The following ITPR2 variants were observed in gnomAD, a reference collection of about 807,000 sequenced individuals.
ITPR2 encodes the protein inositol 1,4,5-trisphosphate-gated calcium channel ITPR2.
In ITPR2, 207 loss-of-function variants were observed where a neutral mutation model predicts 317.1. The observed-to-expected ratio is 0.65, with a 90% CI of 0.58 to 0.73. ITPR2 has a LOEUF of 0.73. Ranked by LOEUF, ITPR2 falls within the 30% of genes least tolerant of loss-of-function variation. The pLI is 0.00. For missense variants in ITPR2, 2,613 were observed against 3,284.0 expected, an observed-to-expected ratio of 0.80 and a Z score of 4.99; for synonymous variants, 1,156 against 1,149.1, an observed-to-expected ratio of 1.01 and a Z score of -0.12.
At position 26,417,413 on chromosome 12, in the gene ITPR2, G is replaced by A. The variant is rs534836304; in HGVS notation, c.7110+1636C>T. Among the ~76,000 whole-genome samples the A allele has an allele frequency of 5.9e-5, 9 of 152,156 alleles. No homozygotes were observed. In the East Asian group the frequency reaches 1.4e-3, roughly 23 times the overall value. Reference sequence around the variant, plus strand: ...TGTGTCTCCACCCAAATTTCATCTCGAATTGTAATCGCCATGTGTCAAGGG... The same window carrying A: ...TGTGTCTCCACCCAAATTTCATCTCAAATTGTAATCGCCATGTGTCAAGGG... On this transcript the variant is annotated intron_variant, in intron 50 of 56. Coordinates refer to ENST00000381340, the MANE Select transcript of ITPR2 (RefSeq NM_002223.4).
chr12:26,547,365 C>T (rs1391113389), intron 37 of ITPR2, among the ~76,000 whole-genome samples: 2 of 152,146 alleles, frequency 1.3e-5, no homozygotes, highest in Non-Finnish European at 2.9e-5. Context: ...TTATCTTTCC[C>T]CAGCCAGAAT....
chr12:26,476,420 A>G (rs1176142848), intron 44 of ITPR2, among the ~76,000 whole-genome samples: 1 of 152,212 alleles, frequency 6.6e-6, no homozygotes, highest in African/African-American at 2.4e-5. Context: ...AAGACACACT[A>G]ATGATCTCTG....
chr12:26,593,507 G>A (rs897408890), intron 32 of ITPR2, among the ~76,000 whole-genome samples: 3 of 152,166 alleles, frequency 2.0e-5, no homozygotes, highest in African/African-American at 7.2e-5. Context: ...CCCTGAAAAA[G>A]GAAAGGTGAT....
intron 26 of ITPR2, among the ~76,000 whole-genome samples, chr12:26,605,122 T>C (rs28501602): frequency 1.2e-5 from 1 of 81,956 alleles, no homozygotes; most frequent in Non-Finnish European, 2.6e-5. Flanking sequence ...AAATAAAAAA[T>C]AAAAATATAT....
intron 31 of ITPR2, 113 bp from the exon 32 acceptor site, chr12:26,595,703 T>C (rs1396338286): frequency 2.4e-6 from 2 of 831,810 alleles, no homozygotes; most frequent in South Asian, 2.0e-5. Context: ...GATCATAGCA[T>C]AGTTTTGTCT....
intron 52 of ITPR2, among the ~76,000 whole-genome samples, chr12:26,403,989 G>A (rs1407517174): frequency 6.6e-6 from 1 of 152,180 alleles, no homozygotes; most frequent in Non-Finnish European, 1.5e-5. Context: ...GAAAGCCTGA[G>A]TTGGGGTAGG....
At chr12:26,778,523 T>C (rs1950019180) in intron 2 of ITPR2, among the ~76,000 whole-genome samples, 1 of 152,256 alleles carries the variant, frequency 6.6e-6, no homozygotes, top group African/African-American at 2.4e-5. Flanking sequence ...CAAATGCCTT[T>C]TTCTCCATTC....
At chr12:26,777,567 G>A (rs34699075) in intron 2 of ITPR2, among the ~76,000 whole-genome samples, 55,790 of 152,168 alleles carry the variant, frequency 0.37, 12,708 homozygotes, top group Non-Finnish European at 0.53. Flanking sequence ...AGTCTGACTC[G>A]TGTAGAGCTC....
At chr12:26,778,138 A>G (rs1262212422) in intron 2 of ITPR2, among the ~76,000 whole-genome samples, 1 of 152,242 alleles carries the variant, frequency 6.6e-6, no homozygotes, top group African/African-American at 2.4e-5. Context: ...AGCAGCTGGC[A>G]GAACCCCCAC....
Position 26,556,263 on chromosome 12 carries a change from G to C in ITPR2, c.4934C>G (p.Ala1645Gly), listed in dbSNP as rs747527121. The C allele has an allele frequency of 4.3e-6, 7 of 1,613,712 alleles. No homozygotes were observed. The Admixed American group carries it at 1.2e-4, about 27-fold the overall frequency. The part of the protein sequence containing the change: ...PELLFPEGSD[A>G]RIRCGAFMSK... ...CATGAAAGCGCCACATCTTATTCTT[G>C]CATCGCTTCCCTCAGGGAACAGCAG... The change falls in exon 36 of 57, where the codon GCA becomes GGA. Residue 1645 changes from alanine to glycine, a missense_variant. This residue lies in a region of ITPR2 where 926 missense variants were observed against 1,072.8 expected (regional missense o/e 0.86). Transcript: ENST00000381340.
intron 45 of ITPR2, among the ~76,000 whole-genome samples, chr12:26,453,298 AAAATG>A (rs1305952962): frequency 6.6e-6 from 1 of 152,232 alleles, no homozygotes; most frequent in Non-Finnish European, 1.5e-5. Flanking sequence ...CTGAGCGACT[AAAATG>A]AAATGAAACT....
At chr12:26,552,024 A>T (rs1944536959) in intron 36 of ITPR2, among the ~76,000 whole-genome samples, 1 of 152,206 alleles carries the variant, frequency 6.6e-6, no homozygotes, top group Non-Finnish European at 1.5e-5. Flanking sequence ...GAGACGGAGC[A>T]AGGCGAGTGA....
intron 35 of ITPR2, among the ~76,000 whole-genome samples, 185 bp from the exon 36 acceptor site, chr12:26,556,560 T>TGTGTGTGTGTG (rs1555155115): frequency 9.2e-5 from 6 of 65,032 alleles, no homozygotes; most frequent in African/African-American, 2.9e-4. Context: ...GTCTCTATTT[T>TGTGTGTGTGTG]TTTTTTTGTG....
intron 34 of ITPR2, among the ~76,000 whole-genome samples, chr12:26,571,281 A>C (rs1945152842): frequency 6.6e-6 from 1 of 152,192 alleles, no homozygotes; most frequent in Non-Finnish European, 1.5e-5. Flanking sequence ...TTATCAGAAA[A>C]ATTCGACATG....
chr12:26,478,210 C>T (rs541982522), intron 43 of ITPR2, among the ~76,000 whole-genome samples: 13 of 152,112 alleles, frequency 8.5e-5, no homozygotes, highest in East Asian at 7.7e-4. Context: ...ATAATAGTGA[C>T]GATGATGAAG....
intron 10 of ITPR2, among the ~76,000 whole-genome samples, chr12:26,687,977 C>T (rs1161357140): frequency 6.6e-6 from 1 of 152,120 alleles, no homozygotes; most frequent in Non-Finnish European, 1.5e-5. Context: ...TACTATACAT[C>T]ATAAGGGAGT....
At chr12:26,515,735 G>A (rs11048556) in intron 37 of ITPR2, among the ~76,000 whole-genome samples, 12,289 of 151,820 alleles carry the variant, frequency 0.081, 1,231 homozygotes, top group East Asian at 0.46. Flanking sequence ...TGAAGTGAAG[G>A]AGCCCACCAA....
Position 26,443,614 on chromosome 12 carries a change from T to G in ITPR2, c.6379A>C (p.Lys2127Gln). The G allele has an allele frequency of 6.2e-7, 1 of 1,613,184 alleles. No individual in the cohort carries two copies. The highest frequency in any genetic ancestry group is 8.5e-7 in the Non-Finnish European group (1 of 1,179,296). Residue 2127 changes from lysine to glutamine, a missense_variant, in exon 46 of 57, where the codon AAA becomes CAA. Lys to Gln is a moderately conservative substitution (Grantham distance 53). Around this residue, in one of 9 missense-constraint regions of ITPR2, gnomAD observed 926 missense variants for 1,072.8 expected, o/e 0.86. Transcript: ENST00000381340. ...CCTTCATCTGGATCCGATCCTGGTTTGAGCATCTGCTGCAACAGTTTATTG... is the reference window on the plus strand; with the variant it reads ...CCTTCATCTGGATCCGATCCTGGTTGGAGCATCTGCTGCAACAGTTTATTG... The part of the protein sequence containing the change: ...RHNKLLQQML[K>Q]PGSDPDEGDE...
At position 26,681,032 on chromosome 12, in the gene ITPR2, T is replaced by C. The variant is rs147972616; in HGVS notation, c.1409+842A>G. 1.2e-3 allele frequency among the ~76,000 whole-genome samples: 183 copies of C among 152,278 alleles called. 1 individual carries two copies. Among genetic ancestry groups the C allele is most frequent in the African/African-American group, 4.2e-3 (173 of 41,562 alleles). ...CTCCAATGTCTGAATGCCTGGGAAA[T>C]TGGCAAACAGCTTTTTCTTGTTTAA... On this transcript the variant is annotated intron_variant, in intron 13 of 56. Transcript: ENST00000381340.
Sources: gnomAD v4.1 joint callset for allele counts (sites outside exome capture counted in the v4.1 genomes callset) on GRCh38, gnomAD v4.1.1 for gene constraint, gnomAD v4.1.1 regional missense constraint, MANE v1.5 for transcripts, NCBI Gene and HGNC (gene_info 2026-07-23, HGNC 2026-07-21) for gene names.